MMP16: variants seen among roughly 807,000 people sequenced by gnomAD.
MMP16 encodes matrix metalloproteinase-16.
A neutral mutation model predicts 67.8 loss-of-function variants in MMP16; 12 were observed. The observed-to-expected ratio is 0.18, with a 90% CI of 0.11 to 0.29. The LOEUF is 0.29. Ranked by LOEUF, MMP16 falls within the 10% of genes least tolerant of loss-of-function variation. The pLI is 1.00. For synonymous variants in MMP16, 249 were observed against 255.9 expected, an observed-to-expected ratio of 0.97 and a Z score of 0.26; for missense variants, 475 against 765.7, an observed-to-expected ratio of 0.62 and a Z score of 4.48.
At chr8:88,101,578 A>G (rs967435510) in intron 6 of MMP16, among the ~76,000 whole-genome samples, 2 of 151,888 alleles carry the variant, frequency 1.3e-5, no homozygotes, top group Non-Finnish European at 2.9e-5. Context: ...GTTAACTGCT[A>G]CAAATAACTA....
intron 4 of MMP16, among the ~76,000 whole-genome samples, chr8:88,157,139 C>T (rs549566361): frequency 6.6e-6 from 1 of 152,056 alleles, no homozygotes; most frequent in Non-Finnish European, 1.5e-5. Context: ...CTATCCATGG[C>T]TTTTGCATCT....
At chr8:88,204,203 C>T (rs987946157) in intron 1 of MMP16, among the ~76,000 whole-genome samples, 3 of 152,112 alleles carry the variant, frequency 2.0e-5, no homozygotes, top group East Asian at 3.9e-4. Flanking sequence ...AAAAATGCAA[C>T]ACCTTTTGAT....
At chr8:88,249,221 G>T (rs1015539263) in intron 1 of MMP16, among the ~76,000 whole-genome samples, 3 of 151,844 alleles carry the variant, frequency 2.0e-5, no homozygotes, top group African/African-American at 7.3e-5. Flanking sequence ...CGGCAGAAAA[G>T]AATTATATCT....
chr8:88,133,063 C>T (rs1808059110), intron 4 of MMP16, among the ~76,000 whole-genome samples: 1 of 151,772 alleles, frequency 6.6e-6, no homozygotes, highest in Admixed American at 6.6e-5. Context: ...CAATTTTTCT[C>T]CCCTTTAACA....
chr8:88,090,607 T>C (rs1586145769), intron 6 of MMP16, among the ~76,000 whole-genome samples: 1 of 151,774 alleles, frequency 6.6e-6, no homozygotes, highest in Non-Finnish European at 1.5e-5. Context: ...CTCAAATGCA[T>C]GACTAAAAAT....
intron 1 of MMP16, among the ~76,000 whole-genome samples, chr8:88,240,264 T>C (rs905598983): frequency 2.6e-5 from 4 of 152,310 alleles, no homozygotes; most frequent in Non-Finnish European, 4.4e-5. Flanking sequence ...ACCCAGATAT[T>C]TGGAGGATCA....
intron 1 of MMP16, among the ~76,000 whole-genome samples, chr8:88,322,715 T>C (rs1193210606): frequency 6.6e-6 from 1 of 151,836 alleles, no homozygotes; most frequent in Non-Finnish European, 1.5e-5. Flanking sequence ...TATGGTGGTA[T>C]GTGCCTGTAG....
chr8:88,050,029 T>C (rs1808250005), intron 8 of MMP16, among the ~76,000 whole-genome samples: 1 of 149,334 alleles, frequency 6.7e-6, no homozygotes, highest in Non-Finnish European at 1.5e-5. Context: ...TGTCACAAAA[T>C]AATAATAATA....
At chr8:88,085,353 A>G (rs1284332261) in intron 6 of MMP16, among the ~76,000 whole-genome samples, 1 of 152,076 alleles carries the variant, frequency 6.6e-6, no homozygotes, top group Non-Finnish European at 1.5e-5. Context: ...GGTTTTTGGT[A>G]TATAAATGTT....
At chr8:88,286,663 C>T (rs1810837187) in intron 1 of MMP16, among the ~76,000 whole-genome samples, 1 of 152,024 alleles carries the variant, frequency 6.6e-6, no homozygotes, top group Non-Finnish European at 1.5e-5. Context: ...GCAAGCTCCA[C>T]CTCCAGCGTT....
intron 7 of MMP16, among the ~76,000 whole-genome samples, chr8:88,061,781 A>C (rs1808403439): frequency 6.6e-6 from 1 of 152,150 alleles, no homozygotes; most frequent in African/African-American, 2.4e-5. Context: ...TGCATTGAAA[A>C]TACTTTCCTG....
Position 88,266,062 on chromosome 8 carries a change from T to C in MMP16, c.132+61013A>G, listed in dbSNP as rs114483090. Among the ~76,000 whole-genome samples, 1,038 of 152,330 alleles carry C rather than the reference T, an allele frequency of 6.8e-3. 14 individuals carry two copies. The highest frequency in any genetic ancestry group is 0.022 in the African/African-American group (921 of 41,568). ...CACCACTGGCATTCTGCAAGGGACA[T>C]GATTCTCTGTGTAGGAGAATTCCAA... On this transcript the variant is annotated intron_variant, in intron 1 of 9. Transcript: ENST00000286614.
intron 1 of MMP16, among the ~76,000 whole-genome samples, chr8:88,300,225 A>G (rs1041974971): frequency 2.0e-4 from 30 of 152,142 alleles, no homozygotes; most frequent in Non-Finnish European, 4.4e-5. Flanking sequence ...TATCTCTTAA[A>G]CTGCAAAATT....
At chr8:88,185,102 T>A (rs1809052898) in intron 3 of MMP16, among the ~76,000 whole-genome samples, 1 of 152,150 alleles carries the variant, frequency 6.6e-6, no homozygotes, top group East Asian at 1.9e-4. Flanking sequence ...GTAAGTAGCA[T>A]AAGACAATAA....
At chr8:88,287,423 C>A (rs1810849449) in intron 1 of MMP16, among the ~76,000 whole-genome samples, 1 of 152,168 alleles carries the variant, frequency 6.6e-6, no homozygotes, top group African/African-American at 2.4e-5. Flanking sequence ...ACTGCTAGAT[C>A]AAAGTTATGA....
At chr8:88,233,846 C>T (rs941587879) in intron 1 of MMP16, among the ~76,000 whole-genome samples, 2 of 152,176 alleles carry the variant, frequency 1.3e-5, no homozygotes, top group African/African-American at 4.8e-5. Context: ...ATATTTAATG[C>T]ATGGGATACA....
At chr8:88,068,795 G>A (rs1431996403) in intron 7 of MMP16, among the ~76,000 whole-genome samples, 3 of 151,956 alleles carry the variant, frequency 2.0e-5, no homozygotes, top group Non-Finnish European at 4.4e-5. Flanking sequence ...TCTGCCTCCC[G>A]GGATCAAGAG....
At chr8:88,304,896 G>T (rs1027683448) in intron 1 of MMP16, among the ~76,000 whole-genome samples, 2 of 152,158 alleles carry the variant, frequency 1.3e-5, no homozygotes, top group Non-Finnish European at 2.9e-5. Context: ...AAACAAGTCT[G>T]CAAAATAACC....
At chr8:88,284,108 A>G (rs1029904666) in intron 1 of MMP16, among the ~76,000 whole-genome samples, 1 of 152,178 alleles carries the variant, frequency 6.6e-6, no homozygotes, top group East Asian at 1.9e-4. Context: ...TTAGGACAGT[A>G]TTGTCTTTAC....
Sources: gnomAD v4.1 joint callset for allele counts (sites outside exome capture counted in the v4.1 genomes callset) on GRCh38, gnomAD v4.1.1 for gene constraint, MANE v1.5 for transcripts, NCBI Gene and HGNC (gene_info 2026-07-23, HGNC 2026-07-21) for gene names.